Variants in HOOK3 observed in about 807,000 individuals in gnomAD.
HOOK3 encodes protein Hook homolog 3.
Under a neutral mutation model 116.3 loss-of-function variants are expected in HOOK3, and 24 were observed. That is an observed-to-expected ratio of 0.21 (90% CI 0.15 to 0.29). The LOEUF (loss-of-function observed/expected upper bound fraction) is 0.29, where lower values mean the gene tolerates loss of function less well. HOOK3 is among the 10% of genes least tolerant of loss of function. The pLI is 1.00. For synonymous variants in HOOK3, 275 were observed against 283.0 expected, an observed-to-expected ratio of 0.97 and a Z score of 0.28; for missense variants, 632 against 830.2, an observed-to-expected ratio of 0.76 and a Z score of 2.93.
intron 17 of HOOK3, among the ~76,000 whole-genome samples, chr8:43,005,213 AAT>A (rs1809458950): frequency 9.2e-6 from 1 of 108,828 alleles, no homozygotes; most frequent in Non-Finnish European, 1.8e-5. Context: ...ATATATATAT[AAT>A]TTTTTTTTTT....
intron 4 of HOOK3, among the ~76,000 whole-genome samples, chr8:42,939,932 G>A (rs1252591818): frequency 2.0e-5 from 3 of 151,644 alleles, no homozygotes; most frequent in South Asian, 2.1e-4. Context: ...GATGGCGGCC[G>A]GGAAGAGGCG....
intron 14 of HOOK3, among the ~76,000 whole-genome samples, chr8:42,984,428 A>G (rs569951812): frequency 1.3e-5 from 2 of 152,128 alleles, no homozygotes; most frequent in South Asian, 4.1e-4. Flanking sequence ...CCAAATCTGG[A>G]AGTATTTTGT....
intron 19 of HOOK3, among the ~76,000 whole-genome samples, chr8:43,011,580 A>C (rs1809613356): frequency 6.6e-6 from 1 of 152,012 alleles, no homozygotes; most frequent in African/African-American, 2.4e-5. Context: ...TTGATAGTAA[A>C]AGTATTAGGG....
At position 42,943,349 on chromosome 8, in the gene HOOK3, G is replaced by A. The variant is rs746221640; in HGVS notation, c.304G>A (p.Asp102Asn). The part of the protein sequence containing the change: ...GQQINDFTLP[D>N]VNLIGEHSDA... ...GCAAATTAATGACTTTACCCTTCCT[G>A]ATGTGAACCTTATTGGGGAGCATTC... The change falls in exon 5 of 22, where the codon GAT becomes AAT. Residue 102 changes from aspartate to asparagine, a missense_variant. By Grantham distance (23) the Asp-to-Asn change is conservative. This residue lies in a region of HOOK3 where 141 missense variants were observed against 150.8 expected (regional missense o/e 0.93). Coordinates refer to ENST00000307602, the MANE Select transcript of HOOK3 (RefSeq NM_032410.4). 1.3e-6 allele frequency: 2 copies of A among 1,547,860 alleles called. No individual in the cohort carries two copies. Among genetic ancestry groups the A allele is most frequent in the Non-Finnish European group, 1.7e-6 (2 of 1,144,982 alleles).
At chr8:42,932,217 G>A (rs1419463158) in intron 4 of HOOK3, among the ~76,000 whole-genome samples, 2 of 152,066 alleles carry the variant, frequency 1.3e-5, no homozygotes, top group African/African-American at 4.8e-5. Flanking sequence ...ATATGAATGC[G>A]AACATAGGGT....
intron 4 of HOOK3, among the ~76,000 whole-genome samples, chr8:42,931,019 G>A (rs774246381): frequency 1.3e-5 from 2 of 152,226 alleles, no homozygotes; most frequent in South Asian, 2.1e-4. Flanking sequence ...AGTCCTCTGT[G>A]GTTTCCCCTT....
rs1198303940 is a variant in HOOK3 at position 43,026,818 on chromosome 8, C to G, written c.*8320C>G. 4.5e-6 allele frequency: 1 copy of G among 223,570 alleles called. No individual in the cohort carries two copies. The allele number at this position is 223,570 out of a possible 1,614,324, so 13.8% of individuals were successfully genotyped here. ...AAAGGCAGGCACTAAAGATGGCAGGCTGCAAAAGCATTCTGAGTTCCCCTG... is the reference window on the plus strand; with the variant it reads ...AAAGGCAGGCACTAAAGATGGCAGGGTGCAAAAGCATTCTGAGTTCCCCTG... On this transcript the variant is annotated 3_prime_UTR_variant, in exon 22 of 22. Coordinates refer to ENST00000307602, the MANE Select transcript of HOOK3 (RefSeq NM_032410.4).
chr8:42,968,374 G>T (rs1326301602), intron 11 of HOOK3, among the ~76,000 whole-genome samples, 160 bp downstream of exon 11: 1 of 152,136 alleles, frequency 6.6e-6, no homozygotes, highest in African/African-American at 2.4e-5. Context: ...CTGTCACCCA[G>T]CCTGGAGTGC....
chr8:42,962,796 C>CTTTTT (rs34722373), intron 8 of HOOK3, among the ~76,000 whole-genome samples: 27 of 99,340 alleles, frequency 2.7e-4, no homozygotes, highest in African/African-American at 3.9e-4. Flanking sequence ...ACTTCTTCTT[C>CTTTTT]TTTTTTTTTT....
At chr8:42,987,346 T>C (rs1166254099) in intron 15 of HOOK3, among the ~76,000 whole-genome samples, 4 of 152,210 alleles carry the variant, frequency 2.6e-5, no homozygotes, top group Admixed American at 2.6e-4. Flanking sequence ...TCATGCAAAA[T>C]GATACCAGAG....
intron 21 of HOOK3, among the ~76,000 whole-genome samples, 182 bp downstream of exon 21, chr8:43,013,582 AAC>A (rs1226415490): frequency 6.6e-6 from 1 of 152,242 alleles, no homozygotes; most frequent in East Asian, 1.9e-4. Context: ...AACCACTGTA[AAC>A]AGGGTTAGAG....
chr8:42,934,142 T>G (rs139604160), intron 4 of HOOK3, among the ~76,000 whole-genome samples: 79 of 152,160 alleles, frequency 5.2e-4, no homozygotes, highest in African/African-American at 1.9e-3. Context: ...TTGAACCGCC[T>G]GGGTTAATCC....
At chr8:42,996,365 A>T (rs537436939) in intron 15 of HOOK3, among the ~76,000 whole-genome samples, 1 of 150,544 alleles carries the variant, frequency 6.6e-6, no homozygotes, top group South Asian at 2.1e-4. Context: ...CAGCCTGGGC[A>T]ACAGAAGGAG....
intron 13 of HOOK3, among the ~76,000 whole-genome samples, chr8:42,978,767 T>G (rs1808876732): frequency 6.6e-6 from 1 of 152,142 alleles, no homozygotes; most frequent in Admixed American, 6.5e-5. Context: ...CAGGCTGATC[T>G]TGAACTCCTG....
chr8:43,000,022 C>CCTGTA (rs1809350070), intron 16 of HOOK3, among the ~76,000 whole-genome samples: 1 of 152,062 alleles, frequency 6.6e-6, no homozygotes, highest in Admixed American at 6.6e-5. Context: ...GTGGCGGGTA[C>CCTGTA]CTGTAGTCCC....
At position 43,020,105 on chromosome 8, in the gene HOOK3, A is replaced by G. The variant is rs1809796021; in HGVS notation, c.*1607A>G. On this transcript the variant is annotated 3_prime_UTR_variant, in exon 22 of 22. Transcript: ENST00000307602. The stretch of plus-strand genomic sequence containing the variant: ...GAAAGATGACCTAAAAATCAGTGGT[A>G]TTTGTTTGTCCTCAGAAGCCGTAGT... 1 of 198,942 alleles carries G rather than the reference A, an allele frequency of 5.0e-6. No homozygotes were observed. The highest frequency in any genetic ancestry group is 1.0e-5 in the Non-Finnish European group (1 of 96,304). The allele number at this position is 198,942 out of a possible 1,614,324, so 12.3% of individuals were successfully genotyped here. A position where few individuals can be genotyped will look rare whatever the true frequency, so the allele number is the denominator to read the frequency against.
At chr8:42,914,839 G>A (rs141855944) in intron 2 of HOOK3, among the ~76,000 whole-genome samples, 180 of 152,136 alleles carry the variant, frequency 1.2e-3, no homozygotes, top group African/African-American at 4.2e-3. Flanking sequence ...TTTCTCCACC[G>A]GGCGCCGTGG....
intron 5 of HOOK3, among the ~76,000 whole-genome samples, chr8:42,948,393 A>G (rs565401989): frequency 6.6e-6 from 1 of 152,300 alleles, no homozygotes; most frequent in Non-Finnish European, 1.5e-5. Flanking sequence ...AAATTTTTTT[A>G]TTTAAAAAAC....
At chr8:42,940,229 C>T (rs557963903) in intron 4 of HOOK3, among the ~76,000 whole-genome samples, 4,704 of 152,328 alleles carry the variant, frequency 0.031, 264 homozygotes, top group African/African-American at 0.11. Flanking sequence ...TCTGCAATCC[C>T]GGCACCTCGG....
Sources: gnomAD v4.1 joint callset for allele counts (sites outside exome capture counted in the v4.1 genomes callset) on GRCh38, gnomAD v4.1.1 for gene constraint, gnomAD v4.1.1 regional missense constraint, MANE v1.5 for transcripts, NCBI Gene and HGNC (gene_info 2026-07-23, HGNC 2026-07-21) for gene names.